Variants in TBXAS1 observed in about 807,000 individuals in gnomAD.
TBXAS1 encodes thromboxane A synthase 1.
In TBXAS1, 48 loss-of-function variants were observed where a neutral mutation model predicts 60.7. That is an observed-to-expected ratio of 0.79 (90% CI 0.63 to 1.01). The LOEUF is 1.01. Ranked by LOEUF, TBXAS1 falls within the 50% of genes least tolerant of loss-of-function variation. The pLI, the probability that TBXAS1 is intolerant of heterozygous loss-of-function variation, is 0.00. For synonymous variants in TBXAS1, 287 were observed against 269.7 expected, an observed-to-expected ratio of 1.06 and a Z score of -0.63; for missense variants, 685 against 686.3, an observed-to-expected ratio of 1.00 and a Z score of 0.02.
chr7:140,003,243 G>A (rs1813819285), intron 9 of TBXAS1, among the ~76,000 whole-genome samples: 1 of 151,972 alleles, frequency 6.6e-6, no homozygotes, highest in Non-Finnish European at 1.5e-5. Flanking sequence ...TTGAGATGGA[G>A]TTTTGCTCTT....
chr7:139,943,481 T>C (rs1200247132), intron 5 of TBXAS1, among the ~76,000 whole-genome samples: 4 of 152,266 alleles, frequency 2.6e-5, no homozygotes, highest in Non-Finnish European at 4.4e-5. Context: ...CAGCCTGGGT[T>C]ATAATTTGGC....
At chr7:140,005,026 G>A (rs936713159) in intron 9 of TBXAS1, among the ~76,000 whole-genome samples, 1 of 152,218 alleles carries the variant, frequency 6.6e-6, no homozygotes, top group East Asian at 1.9e-4. Context: ...CATAGGTCAG[G>A]GCAGAAAGGG....
intron 6 of TBXAS1, among the ~76,000 whole-genome samples, chr7:139,954,450 A>G (rs1809675615): frequency 6.6e-6 from 1 of 152,232 alleles, no homozygotes; most frequent in Non-Finnish European, 1.5e-5. Flanking sequence ...TCACTCTAGC[A>G]GGGAAACGTG....
chr7:139,994,886 C>T (rs1306590585), intron 9 of TBXAS1, among the ~76,000 whole-genome samples: 1 of 152,160 alleles, frequency 6.6e-6, no homozygotes, highest in Non-Finnish European at 1.5e-5. Context: ...AAATGCTGCC[C>T]CCTCCCTTGC....
rs369718751 is a variant in TBXAS1 at position 139,971,542 on chromosome 7, G to A, written c.1134+9309G>A. ...GTTCCCGTCCTGGGGATACCTGCGG[G>A]AAGGCAGGCTGTGCCTCCCAGAGGT... On this transcript the variant is annotated intron_variant, in intron 9 of 12. Coordinates refer to ENST00000448866, the MANE Select transcript of TBXAS1 (RefSeq NM_001061.7). Among the ~76,000 whole-genome samples the A allele has an allele frequency of 1.1e-3, 173 of 152,332 alleles. 3 individuals carry two copies. The South Asian group carries it at 0.033, about 29-fold the overall frequency.
intron 4 of TBXAS1, among the ~76,000 whole-genome samples, chr7:139,813,278 C>G: frequency 6.6e-6 from 1 of 152,094 alleles, no homozygotes. Context: ...CCTTCCAGTA[C>G]TGGGTCACTG....
At chr7:139,856,783 T>C (rs1800612357) in intron 1 of TBXAS1, among the ~76,000 whole-genome samples, 2 of 152,096 alleles carry the variant, frequency 1.3e-5, no homozygotes, top group Non-Finnish European at 2.9e-5. Context: ...GCATCCTCCA[T>C]ACAATGGCCA....
chr7:139,843,324 ATTT>A (rs1053022094), intron 1 of TBXAS1, among the ~76,000 whole-genome samples: 2 of 41,000 alleles, frequency 4.9e-5, no homozygotes, highest in African/African-American at 3.0e-4. Flanking sequence ...ACTTTACTTT[ATTT>A]ATTTATTTAT....
chr7:139,798,069 AATTTTT>A (rs1336119291), intron 4 of TBXAS1, among the ~76,000 whole-genome samples: 1 of 152,080 alleles, frequency 6.6e-6, no homozygotes, highest in Non-Finnish European at 1.5e-5. Flanking sequence ...AAATGACAAG[AATTTTT>A]ATTTTTATTT....
intron 9 of TBXAS1, among the ~76,000 whole-genome samples, chr7:139,993,115 T>C (rs1373866664): frequency 6.6e-6 from 1 of 152,174 alleles, no homozygotes; most frequent in Non-Finnish European, 1.5e-5. Context: ...GAGAATTGCT[T>C]GAACCCGGGA....
chr7:139,981,161 G>A (rs1336429705), intron 9 of TBXAS1, among the ~76,000 whole-genome samples: 1 of 152,166 alleles, frequency 6.6e-6, no homozygotes, highest in Non-Finnish European at 1.5e-5. Context: ...AGGCTGGAGT[G>A]CAGTGGCGCG....
chr7:139,993,121 C>T (rs1316567435), intron 9 of TBXAS1, among the ~76,000 whole-genome samples: 2 of 152,128 alleles, frequency 1.3e-5, no homozygotes, highest in African/African-American at 2.4e-5. Flanking sequence ...TGCTTGAACC[C>T]GGGAGGCAGA....
Position 139,837,447 on chromosome 7 carries a change from G to A in TBXAS1, c.89+7968G>A, listed in dbSNP as rs1271786296. Among the ~76,000 whole-genome samples the A allele has an allele frequency of 2.0e-5, 3 of 152,210 alleles. No individual in the cohort carries two copies. In the East Asian group the frequency reaches 5.8e-4, roughly 29 times the overall value. ...CAATCAACAAGTGGATAAAGAAACT[G>A]TGGTATATGTATATGATGGAATACT... is the stretch of plus-strand genomic sequence containing the variant. On this transcript the variant is annotated intron_variant, in intron 1 of 12. Transcript: ENST00000448866.
intron 3 of TBXAS1, among the ~76,000 whole-genome samples, chr7:139,894,805 G>A (rs1174251546): frequency 6.6e-6 from 1 of 152,156 alleles, no homozygotes; most frequent in Non-Finnish European, 1.5e-5. Flanking sequence ...TGCTCCAGAT[G>A]TTGTCCACTC....
intron 1 of TBXAS1, chr7:139,780,731 T>C (rs1368559923): frequency 6.5e-6 from 1 of 154,176 alleles, no homozygotes; most frequent in Admixed American, 6.5e-5. Context: ...TTGTCTCATC[T>C]TTCCTTAGGC....
At chr7:139,928,033 A>G (rs1049025499) in intron 4 of TBXAS1, among the ~76,000 whole-genome samples, 1 of 152,170 alleles carries the variant, frequency 6.6e-6, no homozygotes, top group South Asian at 2.1e-4. Flanking sequence ...TATGATGTCA[A>G]ATAGAAGTGT....
chr7:140,011,567 T>C (rs150550416), intron 10 of TBXAS1, among the ~76,000 whole-genome samples: 160 of 152,254 alleles, frequency 1.1e-3, no homozygotes, highest in African/African-American at 3.6e-3. Context: ...GGTAGAGACA[T>C]AGACAACAGG....
At chr7:139,995,592 G>A (rs571721345) in intron 9 of TBXAS1, among the ~76,000 whole-genome samples, 7 of 152,184 alleles carry the variant, frequency 4.6e-5, no homozygotes, top group Admixed American at 2.6e-4. Flanking sequence ...ATATCCCACA[G>A]CGACCTTTTC....
chr7:139,979,778 A>C (rs1811838949), intron 9 of TBXAS1, among the ~76,000 whole-genome samples: 1 of 149,980 alleles, frequency 6.7e-6, no homozygotes, highest in Admixed American at 6.7e-5. Context: ...AATAAATAGC[A>C]AAAGAAAGAA....
Sources: gnomAD v4.1 joint callset for allele counts (sites outside exome capture counted in the v4.1 genomes callset) on GRCh38, gnomAD v4.1.1 for gene constraint, MANE v1.5 for transcripts, NCBI Gene and HGNC (gene_info 2026-07-23, HGNC 2026-07-21) for gene names.